Variants in APCDD1L observed in about 807,000 individuals in gnomAD.
The protein encoded by APCDD1L is protein APCDD1-like.
A neutral mutation model predicts 24.2 loss-of-function variants in APCDD1L; 21 were observed. That is an observed-to-expected ratio of 0.87 (90% CI 0.61 to 1.25). The LOEUF (loss-of-function observed/expected upper bound fraction) is 1.25. APCDD1L is among the 50% of genes most tolerant of loss of function. The pLI, the probability that APCDD1L is intolerant of heterozygous loss-of-function variation, is 0.00. For synonymous variants in APCDD1L, 321 were observed against 323.6 expected (o/e 0.99, Z 0.09); for missense variants, 704 against 711.7 (o/e 0.99, Z 0.12).
chr20:58,500,229 T>G (rs1328270570), intron 1 of APCDD1L, among the ~76,000 whole-genome samples: 1 of 152,224 alleles, frequency 6.6e-6, no homozygotes, highest in Admixed American at 6.5e-5. Context: ...TCACTTAATT[T>G]GTAGAGACAG....
chr20:58,476,899 G>T (rs758849161), intron 1 of APCDD1L, among the ~76,000 whole-genome samples: 26 of 152,084 alleles, frequency 1.7e-4, no homozygotes, highest in Non-Finnish European at 3.2e-4. Flanking sequence ...CCATCTTCGC[G>T]GAGATCTCGG....
At chr20:58,495,995 T>C (rs1990314265) in intron 1 of APCDD1L, among the ~76,000 whole-genome samples, 2 of 152,176 alleles carry the variant, frequency 1.3e-5, no homozygotes, top group South Asian at 4.1e-4. Flanking sequence ...GTGGCTGCGC[T>C]TGAGGCCCTA....
rs895925054 is a variant in APCDD1L, at chr20:58,459,793, C to A, written c.*997G>T. 1.3e-5 allele frequency: 2 copies of A among 152,804 alleles called. No homozygotes were observed. Among genetic ancestry groups the A allele is most frequent in the Admixed American group, 1.3e-4 (2 of 15,306 alleles). The allele number at this position is 152,804 out of a possible 1,614,324, so 9.5% of individuals were successfully genotyped here. A position where few individuals can be genotyped will look rare whatever the true frequency, so the allele number is the denominator to read the frequency against. On this transcript the variant is annotated 3_prime_UTR_variant, in exon 4 of 4. Coordinates refer to ENST00000371149, the MANE Select transcript of APCDD1L (RefSeq NM_153360.3). The stretch of plus-strand genomic sequence containing the variant: ...CCCCGACCTCTCCCTAGGGTGGGCC[C>A]AAAGATACACATTCGGAGATTCTCT...
chr20:58,499,045 C>A lies in APCDD1L; in HGVS notation c.49+15614G>T, dbSNP rs565744716. Among the ~76,000 whole-genome samples, 44 of 152,322 alleles carry A rather than the reference C, an allele frequency of 2.9e-4. 1 individual carries two copies. In the South Asian group the frequency reaches 2.9e-3, roughly 10 times the overall value. On this transcript the variant is annotated intron_variant, in intron 1 of 3. Coordinates refer to ENST00000371149, the MANE Select transcript of APCDD1L (RefSeq NM_153360.3). Reference sequence around the variant, plus strand: ...GATGCAGACCCACAGTAAAAGTCACCGCAGTGAGGTGGAACTTGACTTTTC... The same window carrying A: ...GATGCAGACCCACAGTAAAAGTCACAGCAGTGAGGTGGAACTTGACTTTTC...
rs969355560 is a variant in APCDD1L, at chr20:58,459,264, C to G, written c.*1526G>C. 1 of 152,032 alleles carries G rather than the reference C, an allele frequency of 6.6e-6. No homozygotes were observed. The highest frequency in any genetic ancestry group is 1.9e-4 in the East Asian group (1 of 5,186). 9.4% of individuals were successfully genotyped at this position (152,032 alleles called of 1,614,324 possible). A position where few individuals can be genotyped will look rare whatever the true frequency, so the allele number is the denominator to read the frequency against. On this transcript the variant is annotated 3_prime_UTR_variant, in exon 4 of 4. Coordinates refer to ENST00000371149, the MANE Select transcript of APCDD1L (RefSeq NM_153360.3). ...CCCCAACCCTGATGTAGTCTGAGAC[C>G]GTAAATAATGTAATGATTTCTTGTA...
intron 1 of APCDD1L, among the ~76,000 whole-genome samples, chr20:58,474,224 G>T (rs1242297646): frequency 6.6e-6 from 1 of 152,198 alleles, no homozygotes; most frequent in East Asian, 1.9e-4. Flanking sequence ...AGAGCCCAAA[G>T]GATTGACAGG....
Position 58,508,444 on chromosome 20 carries a change from GC to G in APCDD1L, c.49+6214del, listed in dbSNP as rs1159573609. On this transcript the variant is annotated intron_variant, in intron 1 of 3. Coordinates refer to ENST00000371149, the MANE Select transcript of APCDD1L (RefSeq NM_153360.3). This position sits in a 1 kb window ranked among gnomAD's most constrained non-coding sequence, Gnocchi z 4.0. ...AATCAAGAGAGACTCCAGCTGATGTGCTTTACATCTTGACAGCATACAAGGC... is the reference window on the plus strand; with the variant it reads ...AATCAAGAGAGACTCCAGCTGATGTGTTTACATCTTGACAGCATACAAGGC... Among the ~76,000 whole-genome samples, 1 of 152,224 alleles carries G rather than the reference GC, an allele frequency of 6.6e-6. No homozygotes were observed. Among genetic ancestry groups the G allele is most frequent in the Admixed American group, 6.5e-5 (1 of 15,284 alleles).
At position 58,461,709 on chromosome 20, in the gene APCDD1L, G is replaced by GGGAGT; in HGVS notation, c.742-156_742-155insACTCC. 1 of 756,256 alleles carries GGGAGT rather than the reference G, an allele frequency of 1.3e-6. No individual in the cohort carries two copies. Among genetic ancestry groups the GGGAGT allele is most frequent in the Non-Finnish European group, 1.8e-6 (1 of 545,624 alleles). 46.8% of individuals were successfully genotyped at this position (756,256 alleles called of 1,614,324 possible). A position where few individuals can be genotyped will look rare whatever the true frequency, so the allele number is the denominator to read the frequency against. On this transcript the variant is annotated intron_variant, in intron 3 of 3. Coordinates refer to ENST00000371149, the MANE Select transcript of APCDD1L (RefSeq NM_153360.3). This position sits in a 1 kb window ranked among gnomAD's most constrained non-coding sequence, Gnocchi z 6.0. ...TCTCCTCACTCCCTGCCTTCAGTCA[G>GGGAGT]GACGACCTCCTTGCTTCAGCCAGGA... is the stretch of plus-strand genomic sequence containing the variant.
chr20:58,486,717 AAT>A (rs1990123605), intron 1 of APCDD1L, among the ~76,000 whole-genome samples: 1 of 152,166 alleles, frequency 6.6e-6, no homozygotes, highest in Non-Finnish European at 1.5e-5. Flanking sequence ...TACCCATCAA[AAT>A]ACTCTTACAA....
At chr20:58,499,075 G>A (rs73302575) in intron 1 of APCDD1L, among the ~76,000 whole-genome samples, 3,043 of 152,310 alleles carry the variant, frequency 0.02, 114 homozygotes, top group African/African-American at 0.069. Context: ...CTTTTCTTCT[G>A]CGGGAGGGAC....
At chr20:58,492,205 A>G (rs979093512) in intron 1 of APCDD1L, among the ~76,000 whole-genome samples, 1 of 152,270 alleles carries the variant, frequency 6.6e-6, no homozygotes, top group Non-Finnish European at 1.5e-5. Flanking sequence ...CAAGCTGGTA[A>G]ATACGATCCT....
At chr20:58,512,866 C>T (rs1282504979) in intron 1 of APCDD1L, among the ~76,000 whole-genome samples, 1 of 152,030 alleles carries the variant, frequency 6.6e-6, no homozygotes, top group Non-Finnish European at 1.5e-5. Flanking sequence ...TTTCTGGTGG[C>T]TGTGTCTGAA....
rs764099828 is a variant in APCDD1L, at chr20:58,467,651, C to T, written c.196G>A (p.Val66Met). The T allele has an allele frequency of 2.0e-6, 3 of 1,495,074 alleles. No individual in the cohort carries two copies. The highest frequency in any genetic ancestry group is 2.6e-5 in the East Asian group (1 of 38,480). 92.6% of individuals were successfully genotyped at this position (1,495,074 alleles called of 1,614,324 possible). Residue 66 changes from valine (V) to methionine (M), a missense_variant, in exon 3 of 4, where the codon GTG becomes ATG. Transcript: ENST00000371149. This position sits in a 1 kb window ranked among gnomAD's most constrained non-coding sequence, Gnocchi z 5.9. Reference sequence around the variant, plus strand: ...GTCAGGAACTCCGGTCCTGGGCGCACCTCGCAGCTGCAGGGGTGGAAGGAG... The same window carrying T: ...GTCAGGAACTCCGGTCCTGGGCGCATCTCGCAGCTGCAGGGGTGGAAGGAG... ...NGPWISTGCE[V>M]RPGPEFLTRA...
At chr20:58,465,660 CT>C (rs1192601126) in intron 3 of APCDD1L, among the ~76,000 whole-genome samples, 1 of 152,152 alleles carries the variant, frequency 6.6e-6, no homozygotes, top group East Asian at 1.9e-4. Flanking sequence ...GAATGCTAAC[CT>C]CAACTTCATT....
Position 58,494,990 on chromosome 20 carries a change from C to G in APCDD1L, c.49+19669G>C, listed in dbSNP as rs1199065816. Among the ~76,000 whole-genome samples, 3 of 152,178 alleles carry G rather than the reference C, an allele frequency of 2.0e-5. No individual in the cohort carries two copies. The highest frequency in any genetic ancestry group is 7.2e-5 in the African/African-American group (3 of 41,446). ...ATGACCTTGTCTCAAGGTGGGCCCT[C>G]TGGTGTCCCCTGGAGCCTGCTGCCC... On this transcript the variant is annotated intron_variant, in intron 1 of 3. Transcript: ENST00000371149. This position sits in a 1 kb window ranked among gnomAD's most constrained non-coding sequence, Gnocchi z 4.8.
At chr20:58,496,916 A>T (rs1990334143) in intron 1 of APCDD1L, among the ~76,000 whole-genome samples, 2 of 152,220 alleles carry the variant, frequency 1.3e-5, no homozygotes, top group Non-Finnish European at 2.9e-5. Flanking sequence ...ACTGAGGAAG[A>T]GTGGTCAGTT....
In APCDD1L at chr20:58,461,925, A is replaced by C; in HGVS notation, c.742-371T>G. The C allele has an allele frequency of 4.7e-6, 1 of 214,500 alleles. No individual in the cohort carries two copies. The highest frequency in any genetic ancestry group is 9.7e-5 in the East Asian group (1 of 10,362). 13.3% of individuals were successfully genotyped at this position (214,500 alleles called of 1,614,324 possible). On this transcript the variant is annotated intron_variant, in intron 3 of 3. Coordinates refer to ENST00000371149, the MANE Select transcript of APCDD1L (RefSeq NM_153360.3). The surrounding 1 kb of genome is among the most constrained non-coding windows in gnomAD (Gnocchi z 6.0). ...CACACCACCCTCTTTTATCTTCCTCATTCCACCCCCTGAGACTCTCCTCTC... is the reference window on the plus strand; with the variant it reads ...CACACCACCCTCTTTTATCTTCCTCCTTCCACCCCCTGAGACTCTCCTCTC...
intron 1 of APCDD1L, among the ~76,000 whole-genome samples, chr20:58,506,651 G>A (rs918442371): frequency 1.3e-5 from 2 of 152,240 alleles, no homozygotes; most frequent in African/African-American, 2.4e-5. Context: ...AGTCTTTGCA[G>A]ATGAACAATT....
intron 1 of APCDD1L, among the ~76,000 whole-genome samples, chr20:58,487,825 A>T (rs1458363223): frequency 3.3e-5 from 5 of 152,248 alleles, no homozygotes; most frequent in Non-Finnish European, 7.3e-5. Flanking sequence ...TGACAAATCC[A>T]TCGTTATAAT....
Sources: allele counts gnomAD v4.1 joint callset (sites outside exome capture counted in the v4.1 genomes callset), GRCh38; gene constraint gnomAD v4.1.1; non-coding constraint Gnocchi (gnomAD v3.1); transcripts MANE v1.5; gene names NCBI Gene and HGNC (gene_info 2026-07-23, HGNC 2026-07-21).